DYRK4: variants seen among roughly 807,000 people sequenced by gnomAD.
The protein encoded by DYRK4 is dual specificity tyrosine phosphorylation regulated kinase 4, also known as dual specificity tyrosine-phosphorylation-regulated kinase 4.
A neutral mutation model predicts 68.3 loss-of-function variants in DYRK4; 64 were observed. That is an observed-to-expected ratio of 0.94 (90% CI 0.77 to 1.15). The LOEUF (loss-of-function observed/expected upper bound fraction) is 1.15, where lower values mean the gene tolerates loss of function less well. Among genes scored for constraint, DYRK4 ranks in the 50% most tolerant of loss-of-function variants. The probability of loss-of-function intolerance (pLI) is 0.00; values close to 1 mark genes in which losing one functional copy is unlikely to be tolerated. For missense variants in DYRK4, 740 were observed against 764.7 expected, an observed-to-expected ratio of 0.97 and a Z score of 0.38; for synonymous variants, 274 against 289.9, an observed-to-expected ratio of 0.95 and a Z score of 0.56.
At chr12:4,590,808 C>A in intron 4 of DYRK4, 2 of 402,232 alleles carry the variant, frequency 5.0e-6, no homozygotes, top group Non-Finnish European at 8.7e-6. Context: ...AGGCGTCACA[C>A]ACACATAAGT....
At chr12:4,565,091 A>G (rs903932288) in intron 1 of DYRK4, among the ~76,000 whole-genome samples, 23 of 152,236 alleles carry the variant, frequency 1.5e-4, no homozygotes, top group Non-Finnish European at 4.4e-5. Context: ...AGCTGAGTTT[A>G]TTAGTTATCT....
At chr12:4,581,740 C>T (rs749995125) in intron 2 of DYRK4, among the ~76,000 whole-genome samples, 5 of 152,156 alleles carry the variant, frequency 3.3e-5, no homozygotes, top group Non-Finnish European at 7.4e-5. Context: ...ACATCCTGCT[C>T]CCTCCCTGCC....
intron 8 of DYRK4, among the ~76,000 whole-genome samples, chr12:4,598,232 G>A (rs1042914545): frequency 6.6e-6 from 1 of 152,136 alleles, no homozygotes; most frequent in Non-Finnish European, 1.5e-5. Flanking sequence ...AAGAATGAGT[G>A]GCTTGCTAAA....
At chr12:4,566,345 G>T (rs1373278836) in intron 1 of DYRK4, among the ~76,000 whole-genome samples, 1 of 152,138 alleles carries the variant, frequency 6.6e-6, no homozygotes, top group Non-Finnish European at 1.5e-5. Flanking sequence ...CCCTCCATCG[G>T]CAATGTCCAA....
intron 2 of DYRK4, among the ~76,000 whole-genome samples, chr12:4,585,364 TCTC>T (rs574327861): frequency 1.0e-3 from 152 of 152,328 alleles, no homozygotes; most frequent in African/African-American, 3.5e-3. Flanking sequence ...ATTATTGCCT[TCTC>T]CTCCCTTGCA....
intron 10 of DYRK4, among the ~76,000 whole-genome samples, chr12:4,600,931 G>C (rs531375005): frequency 1.7e-4 from 26 of 151,992 alleles, no homozygotes; most frequent in Non-Finnish European, 3.7e-4. Flanking sequence ...CTGGCAACCA[G>C]CCCCTATTCA....
chr12:4,582,087 C>T (rs993095073), intron 2 of DYRK4, among the ~76,000 whole-genome samples: 2 of 152,154 alleles, frequency 1.3e-5, no homozygotes, highest in Non-Finnish European at 2.9e-5. Context: ...GCATTTCAGG[C>T]TAGGGATGCT....
At chr12:4,578,034 G>T (rs1002731264) in intron 2 of DYRK4, among the ~76,000 whole-genome samples, 3 of 151,966 alleles carry the variant, frequency 2.0e-5, no homozygotes, top group African/African-American at 7.3e-5. Flanking sequence ...TCTTTATGTT[G>T]TTTTTAGATA....
chr12:4,568,633 G>A (rs555500398), intron 2 of DYRK4, among the ~76,000 whole-genome samples: 5 of 152,112 alleles, frequency 3.3e-5, no homozygotes, highest in African/African-American at 9.7e-5. Context: ...TGATCTGCCC[G>A]CCTCGGCCTC....
Position 4,605,067 on chromosome 12 carries a change from A to C in DYRK4, c.1280A>C (p.Gln427Pro). The C allele has an allele frequency of 8.1e-6, 13 of 1,613,496 alleles. No homozygotes were observed. Among genetic ancestry groups the C allele is most frequent in the Non-Finnish European group, 1.1e-5 (13 of 1,179,696 alleles). Residue 427 changes from glutamine (Q) to proline (P), a missense_variant, in exon 11 of 15, where the codon CAG becomes CCG. Gln to Pro is a moderately conservative substitution (Grantham distance 76). Transcript: ENST00000543431. ...TTCCCCGGGGAGAATGAGGTGGAGC[A>C]GCTGGCCTGCATCATGGAGGTACGC... Reference protein sequence around the residue: ...PLFPGENEVEQLACIMEVLGL... With the variant: ...PLFPGENEVEPLACIMEVLGL...
At chr12:4,562,928 C>T (rs1028049666) in intron 1 of DYRK4, 1 of 367,278 alleles carries the variant, frequency 2.7e-6, no homozygotes. Flanking sequence ...TTTTTAAAGG[C>T]TATTCTGTGA....
At chr12:4,607,253 A>C (rs1945163308) in intron 11 of DYRK4, 74 bp from the exon 12 acceptor site, 4 of 1,583,006 alleles carry the variant, frequency 2.5e-6, no homozygotes, top group East Asian at 2.2e-5. Context: ...AGCTTGGCCA[A>C]AGTACGCTCC....
intron 2 of DYRK4, among the ~76,000 whole-genome samples, chr12:4,580,507 T>C (rs920733500): frequency 6.6e-6 from 1 of 152,198 alleles, no homozygotes; most frequent in Admixed American, 6.5e-5. Flanking sequence ...CCAGGGTAGC[T>C]TAATCCCTTA....
chr12:4,612,553 T>G lies in DYRK4; in HGVS notation c.1501T>G (p.Ser501Ala). ...TTTGTTGGGGTGCAGATGGGAACCT[T>G]CTCTTCGCATGACCCCGGACCAGGC... ...FLRRCLVWEPSLRMTPDQALK... is the reference protein window; with the variant it reads ...FLRRCLVWEPALRMTPDQALK... Residue 501 changes from serine to alanine, a missense_variant, in exon 14 of 15, where the codon TCT (serine) becomes GCT (alanine). Ser to Ala is a moderately conservative substitution (Grantham distance 99, BLOSUM62 1). Transcript: ENST00000543431. The G allele has an allele frequency of 6.2e-7, 1 of 1,614,056 alleles. No homozygotes were observed. Among genetic ancestry groups the G allele is most frequent in the Non-Finnish European group, 8.5e-7 (1 of 1,179,910 alleles).
chr12:4,567,892 G>C, intron 1 of DYRK4, 63 bp from the exon 2 acceptor site: 1 of 1,348,666 alleles, frequency 7.4e-7, no homozygotes, highest in Non-Finnish European at 1.0e-6. Context: ...GTCCCTGAGT[G>C]TGTGGGCCAT....
At chr12:4,606,001 A>G (rs1945145485) in intron 11 of DYRK4, among the ~76,000 whole-genome samples, 2 of 152,196 alleles carry the variant, frequency 1.3e-5, no homozygotes. Context: ...TTGAAAACAA[A>G]GAATTGGAAA....
Position 4,611,129 on chromosome 12 carries a change from C to T in DYRK4, c.1490+845C>T, listed in dbSNP as rs1196011504. ...ATATCATTACAGTCTCTTATTCTTC[C>T]AGTTGGATGGAGTGATGTTATCAAA... On this transcript the variant is annotated intron_variant, in intron 13 of 14. Transcript: ENST00000543431. Among the ~76,000 whole-genome samples the T allele has an allele frequency of 3.9e-5, 6 of 152,098 alleles. 1 individual carries two copies. Among genetic ancestry groups the T allele is most frequent in the South Asian group, 4.1e-4 (2 of 4,822 alleles).
chr12:4,599,062 T>C lies in DYRK4; in HGVS notation c.940T>C (p.Phe314Leu). 2 of 1,614,142 alleles carry C rather than the reference T, an allele frequency of 1.2e-6. No individual in the cohort carries two copies. Among genetic ancestry groups the C allele is most frequent in the Non-Finnish European group, 1.7e-6 (2 of 1,180,024 alleles). ...GTATGAGTTGATGAAGAATAACAAC[T>C]TTCAAGGCTTCAGTCTGTCCATAGT... ...NLYELMKNNN[F>L]QGFSLSIVRR... is the part of the protein sequence containing the mutation. The change falls in exon 9 of 15, where the codon TTT becomes CTT. Residue 314 changes from phenylalanine (F) to leucine (L), a missense_variant. This residue lies in a region of DYRK4 where 614 missense variants were observed against 603.7 expected (regional missense o/e 1.02). Transcript: ENST00000543431.
In DYRK4 at chr12:4,599,084, T is replaced by C. The variant is rs1278236874; in HGVS notation, c.962T>C (p.Ile321Thr). ...AACTTTCAAGGCTTCAGTCTGTCCATAGTTCGGCGCTTCACTCTCTCTGTT... is the reference window on the plus strand; with the variant it reads ...AACTTTCAAGGCTTCAGTCTGTCCACAGTTCGGCGCTTCACTCTCTCTGTT... ...NNNFQGFSLS[I>T]VRRFTLSVLK... Residue 321 changes from isoleucine to threonine, a missense_variant, in exon 9 of 15, where the codon ATA (isoleucine) becomes ACA (threonine). This residue lies in a region of DYRK4 where 614 missense variants were observed against 603.7 expected (regional missense o/e 1.02). Coordinates refer to ENST00000543431, the MANE Select transcript of DYRK4 (RefSeq NM_001394779.1). 2.5e-6 allele frequency: 4 copies of C among 1,614,108 alleles called. No homozygotes were observed. Among genetic ancestry groups the C allele is most frequent in the Non-Finnish European group, 3.4e-6 (4 of 1,179,996 alleles).
Sources: allele counts gnomAD v4.1 joint callset (sites outside exome capture counted in the v4.1 genomes callset), GRCh38; gene constraint gnomAD v4.1.1; regional missense constraint gnomAD v4.1.1; transcripts MANE v1.5; gene names NCBI Gene and HGNC (gene_info 2026-07-23, HGNC 2026-07-21).